PRKN: variants seen among roughly 807,000 people sequenced by gnomAD.
PRKN encodes E3 ubiquitin-protein ligase parkin.
In PRKN, 56 loss-of-function variants were observed where a neutral mutation model predicts 59.5. The observed-to-expected ratio is 0.94, with a 90% CI of 0.76 to 1.18. The LOEUF is 1.18. Ranked by LOEUF, PRKN falls within the 50% of genes most tolerant of loss-of-function variation. The probability of loss-of-function intolerance (pLI) is 0.00; values close to 1 mark genes in which losing one functional copy is unlikely to be tolerated. For synonymous variants in PRKN, 250 were observed against 222.1 expected, an observed-to-expected ratio of 1.13 and a Z score of -1.12; for missense variants, 657 against 596.4, an observed-to-expected ratio of 1.10 and a Z score of -1.06.
At chr6:162,302,971 C>CAA (rs60582244) in intron 2 of PRKN, among the ~76,000 whole-genome samples, 14,263 of 150,248 alleles carry the variant, frequency 0.095, 1,243 homozygotes, top group African/African-American at 0.24. Context: ...CATACACACA[C>CAA]ACACACACAC....
rs900817848 is a variant in PRKN, at chr6:162,439,655, C to T, written c.171+3655G>A. ...GCAGATTTTCTTCTGCCTCTGCCACCCCTGAGACAGTGAGACTAACTCCCC... is the reference window on the plus strand; with the variant it reads ...GCAGATTTTCTTCTGCCTCTGCCACTCCTGAGACAGTGAGACTAACTCCCC... On this transcript the variant is annotated intron_variant, in intron 2 of 11. Transcript: ENST00000366898. Among the ~76,000 whole-genome samples, 4 of 150,702 alleles carry T rather than the reference C, an allele frequency of 2.7e-5. No homozygotes were observed. In the South Asian group the frequency reaches 8.4e-4, roughly 32 times the overall value.
chr6:162,067,798 A>T (rs901562189), intron 4 of PRKN, among the ~76,000 whole-genome samples: 2 of 152,246 alleles, frequency 1.3e-5, no homozygotes, highest in Non-Finnish European at 1.5e-5. Context: ...GGAGAGACTG[A>T]GGCTTGGAGA....
chr6:162,633,781 G>A (rs1425844353), intron 1 of PRKN, among the ~76,000 whole-genome samples: 2 of 152,102 alleles, frequency 1.3e-5, no homozygotes, highest in Admixed American at 6.6e-5. Flanking sequence ...TGTGAGGGAT[G>A]GCAGGATGAA....
At chr6:162,652,937 A>G (rs1000641787) in intron 1 of PRKN, among the ~76,000 whole-genome samples, 12 of 152,210 alleles carry the variant, frequency 7.9e-5, no homozygotes, top group African/African-American at 2.9e-4. Flanking sequence ...GATATAAAAC[A>G]GGCCTTTCAG....
Position 161,731,022 on chromosome 6 carries a change from C to T in PRKN, c.871+54750G>A, listed in dbSNP as rs117838252. Among the ~76,000 whole-genome samples the T allele has an allele frequency of 1.2e-3, 176 of 152,218 alleles. No individual in the cohort carries two copies. The South Asian group carries it at 0.018, about 15-fold the overall frequency. On this transcript the variant is annotated intron_variant, in intron 7 of 11. Coordinates refer to ENST00000366898, the MANE Select transcript of PRKN (RefSeq NM_004562.3). ...GTGTTGCATTCTGAAGTGCTGCATTCGTTCTGATATCTTGCAGTCTGATAT... is the reference window on the plus strand; with the variant it reads ...GTGTTGCATTCTGAAGTGCTGCATTTGTTCTGATATCTTGCAGTCTGATAT...
intron 2 of PRKN, among the ~76,000 whole-genome samples, chr6:162,384,872 G>A (rs1201711745): frequency 1.3e-5 from 2 of 152,030 alleles, no homozygotes; most frequent in Non-Finnish European, 2.9e-5. Context: ...GAGTAAGTAG[G>A]CATCAGAGGC....
At chr6:161,705,531 G>A (rs1034831860) in intron 7 of PRKN, among the ~76,000 whole-genome samples, 2 of 152,130 alleles carry the variant, frequency 1.3e-5, no homozygotes, top group Non-Finnish European at 2.9e-5. Flanking sequence ...GCCTCAAAGG[G>A]TTACTATGTA....
intron 6 of PRKN, among the ~76,000 whole-genome samples, chr6:161,893,458 T>G (rs1015463208): frequency 6.6e-6 from 1 of 152,156 alleles, no homozygotes; most frequent in African/African-American, 2.4e-5. Context: ...AACAATAATA[T>G]AGTTTAAATA....
chr6:162,547,359 T>C (rs1359981385), intron 1 of PRKN, among the ~76,000 whole-genome samples: 1 of 152,326 alleles, frequency 6.6e-6, no homozygotes, highest in South Asian at 2.1e-4. Flanking sequence ...TTGTTTCTCA[T>C]GTTACAGCCA....
At chr6:162,646,465 T>G (rs1285058906) in intron 1 of PRKN, among the ~76,000 whole-genome samples, 4 of 151,880 alleles carry the variant, frequency 2.6e-5, no homozygotes, top group African/African-American at 7.3e-5. Flanking sequence ...AATTTTTTTG[T>G]AGAGATGCAG....
chr6:162,612,849 G>T (rs767530622), intron 1 of PRKN, among the ~76,000 whole-genome samples: 94 of 152,080 alleles, frequency 6.2e-4, no homozygotes, highest in Non-Finnish European at 1.3e-3. Flanking sequence ...GGCCCACAGA[G>T]GGCACCTTGC....
chr6:161,663,442 T>C (rs1349185199), intron 7 of PRKN, among the ~76,000 whole-genome samples: 57 of 152,154 alleles, frequency 3.7e-4, no homozygotes, highest in Non-Finnish European at 2.9e-5. Flanking sequence ...AGGAAGGTAA[T>C]ACAGAGTACA....
chr6:162,697,277 T>C (rs1778004197), intron 1 of PRKN, among the ~76,000 whole-genome samples: 1 of 152,300 alleles, frequency 6.6e-6, no homozygotes, highest in South Asian at 2.1e-4. Flanking sequence ...TAAAAAATTA[T>C]ACAGACATAC....
chr6:161,572,749 C>G (rs1436000006), intron 7 of PRKN, among the ~76,000 whole-genome samples: 1 of 152,072 alleles, frequency 6.6e-6, no homozygotes, highest in Admixed American at 6.6e-5. Flanking sequence ...ATGTCTGGTA[C>G]TGTAGAGAAG....
chr6:161,384,421 C>A (rs767387945), intron 10 of PRKN, among the ~76,000 whole-genome samples: 1 of 151,892 alleles, frequency 6.6e-6, no homozygotes, highest in Non-Finnish European at 1.5e-5. Context: ...CATGTGCCTG[C>A]AGTTCCAGTT....
intron 2 of PRKN, among the ~76,000 whole-genome samples, chr6:162,330,928 C>A (rs1783542004): frequency 6.6e-6 from 1 of 152,154 alleles, no homozygotes; most frequent in Non-Finnish European, 1.5e-5. Context: ...TGAGTGACTG[C>A]AATACAGACC....
chr6:162,597,138 A>AT (rs946953235), intron 1 of PRKN, among the ~76,000 whole-genome samples: 2 of 152,120 alleles, frequency 1.3e-5, no homozygotes, highest in African/African-American at 4.8e-5. Flanking sequence ...TTTAAACTTG[A>AT]TTTTTTCTCT....
chr6:161,985,174 C>T (rs79629513), intron 5 of PRKN, among the ~76,000 whole-genome samples: 13,544 of 152,184 alleles, frequency 0.089, 706 homozygotes, highest in African/African-American at 0.13. Flanking sequence ...TCTTCCCTTT[C>T]AATTTTGTAG....
Position 161,561,238 on chromosome 6 carries a change from T to C in PRKN, c.933+8117A>G, listed in dbSNP as rs924444257. Among the ~76,000 whole-genome samples, 1 of 152,218 alleles carries C rather than the reference T, an allele frequency of 6.6e-6. No individual in the cohort carries two copies. Among genetic ancestry groups the C allele is most frequent in the Admixed American group, 6.5e-5 (1 of 15,282 alleles). On this transcript the variant is annotated intron_variant, in intron 8 of 11. Transcript: ENST00000366898. This position sits in a 1 kb window ranked among gnomAD's most constrained non-coding sequence, Gnocchi z 5.0. ...ATATTTTTATAAATGTTGGTAATAG[T>C]TATGATAATTAGTAGAATTAGGATA...
Sources: gnomAD v4.1 joint callset for allele counts (sites outside exome capture counted in the v4.1 genomes callset) on GRCh38, gnomAD v4.1.1 for gene constraint, Gnocchi (gnomAD v3.1) non-coding constraint, MANE v1.5 for transcripts, NCBI Gene and HGNC (gene_info 2026-07-23, HGNC 2026-07-21) for gene names.